Variants in PRKCZ observed in about 807,000 individuals in gnomAD.
PRKCZ encodes protein kinase C zeta, also known as protein kinase C zeta type.
In PRKCZ, 33 loss-of-function variants were observed where a neutral mutation model predicts 79.5. The ratio of observed to expected loss-of-function variants is 0.41; its 90% CI spans 0.31 to 0.55. PRKCZ has a LOEUF of 0.55. Among genes scored for constraint, PRKCZ ranks in the 20% least tolerant of loss-of-function variants. The pLI, the probability that PRKCZ is intolerant of heterozygous loss-of-function variation, is 0.19. For missense variants in PRKCZ, 578 were observed against 813.5 expected (o/e 0.71, Z 3.52); for synonymous variants, 342 against 320.9 (o/e 1.07, Z -0.70).
intron 4 of PRKCZ, among the ~76,000 whole-genome samples, chr1:2,099,345 A>G (rs1557555078): frequency 1.3e-5 from 2 of 152,202 alleles, no homozygotes; most frequent in African/African-American, 4.8e-5. Context: ...CATTCATCCC[A>G]TGCCAGGCTG....
rs573136695 is a variant in PRKCZ, at chr1:2,125,840, G to A, written c.335-9422G>A. ...AGCCACGGCCTCCTCACGTCCATGC[G>A]GGGATTTGCGCCCTGGAAGGAGCCG... is the stretch of plus-strand genomic sequence containing the variant. On this transcript the variant is annotated intron_variant, in intron 4 of 17. Coordinates refer to ENST00000378567, the MANE Select transcript of PRKCZ (RefSeq NM_002744.6). The surrounding 1 kb of genome is among the most constrained non-coding windows in gnomAD (Gnocchi z 4.2). Among the ~76,000 whole-genome samples the A allele has an allele frequency of 3.9e-5, 6 of 152,344 alleles. No homozygotes were observed. The South Asian group carries it at 1.0e-3, about 26-fold the overall frequency.
intron 4 of PRKCZ, among the ~76,000 whole-genome samples, chr1:2,093,900 C>T (rs1009001777): frequency 5.3e-5 from 8 of 152,154 alleles, no homozygotes; most frequent in Non-Finnish European, 1.0e-4. Flanking sequence ...CGGCCGTCAG[C>T]GTTGCAGCCC....
rs926314261 is a variant in PRKCZ at position 2,156,304 on chromosome 1, C to T, written c.974+212C>T. ...ATCTGAAGTTATTTAATTCCATTTACGAAATACTTACTGGAGGTATCCCAC... is the reference window on the plus strand; with the variant it reads ...ATCTGAAGTTATTTAATTCCATTTATGAAATACTTACTGGAGGTATCCCAC... On this transcript the variant is annotated intron_variant, in intron 10 of 17. Coordinates refer to ENST00000378567, the MANE Select transcript of PRKCZ (RefSeq NM_002744.6). 61 of 476,164 alleles carry T rather than the reference C, an allele frequency of 1.3e-4. 2 individuals carry two copies. In the Admixed American group the frequency reaches 1.4e-3, roughly 11 times the overall value. The allele number at this position is 476,164 out of a possible 1,614,324, so 29.5% of individuals were successfully genotyped here.
At chr1:2,109,494 A>G (rs538616283) in intron 4 of PRKCZ, among the ~76,000 whole-genome samples, 1 of 152,204 alleles carries the variant, frequency 6.6e-6, no homozygotes, top group African/African-American at 2.4e-5. Context: ...AATATTAAAC[A>G]TGTGGATTGC....
At position 2,184,568 on chromosome 1, in the gene PRKCZ, T is replaced by C; in HGVS notation, c.1576-15T>C. 2 of 1,609,236 alleles carry C rather than the reference T, an allele frequency of 1.2e-6. No homozygotes were observed. Among genetic ancestry groups the C allele is most frequent in the Non-Finnish European group, 1.7e-6 (2 of 1,176,310 alleles). On this transcript the variant is annotated splice_polypyrimidine_tract_variant and intron_variant, in intron 16 of 17. Coordinates refer to ENST00000378567, the MANE Select transcript of PRKCZ (RefSeq NM_002744.6). ...GCCCGCGCGGAGCTGACCCTTCTCC[T>C]ATTGTTTTTCCAAGCTGGAGAAGAA...
At chr1:2,105,434 C>G (rs866412439) in intron 4 of PRKCZ, among the ~76,000 whole-genome samples, 1 of 152,204 alleles carries the variant, frequency 6.6e-6, no homozygotes. Flanking sequence ...CAGTCTCACT[C>G]TTTTGCCCAG....
chr1:2,118,529 A>G (rs1028070121), intron 4 of PRKCZ, among the ~76,000 whole-genome samples: 2 of 150,256 alleles, frequency 1.3e-5, no homozygotes, highest in African/African-American at 4.9e-5. Context: ...AGTAGAGACG[A>G]GGTTTCACCG....
intron 4 of PRKCZ, among the ~76,000 whole-genome samples, chr1:2,100,432 G>A (rs1667244579): frequency 6.6e-6 from 1 of 152,136 alleles, no homozygotes; most frequent in Non-Finnish European, 1.5e-5. Context: ...TGGAGTCCAG[G>A]TTTTGTTCCC....
intron 4 of PRKCZ, among the ~76,000 whole-genome samples, chr1:2,084,097 A>G (rs528563921): frequency 2.6e-5 from 4 of 152,122 alleles, no homozygotes; most frequent in South Asian, 4.1e-4. Context: ...CCGGGCATGC[A>G]TGGTGGCGGA....
chr1:2,074,099 T>A, intron 4 of PRKCZ: 1 of 1,502,718 alleles, frequency 6.7e-7, no homozygotes, highest in Admixed American at 2.0e-5. Context: ...GCAACACGGC[T>A]GGTGCCACGG....
chr1:2,158,131 G>T (rs1557702619), intron 10 of PRKCZ, among the ~76,000 whole-genome samples: 1 of 152,178 alleles, frequency 6.6e-6, no homozygotes, highest in Non-Finnish European at 1.5e-5. Flanking sequence ...TGCTCTACGT[G>T]CGGTGCCGTC....
rs575206043 is a variant in PRKCZ at position 2,064,321 on chromosome 1, T to A, written c.334+4730T>A. ...ATCTTCTCCTGCTTTGTGGGTTGTT[T>A]TTTTACTTTGTTGATAGTGCCTTTT... On this transcript the variant is annotated intron_variant, in intron 4 of 17. Transcript: ENST00000378567. 1.1e-3 allele frequency among the ~76,000 whole-genome samples: 173 copies of A among 152,382 alleles called. 1 individual carries two copies. The highest frequency in any genetic ancestry group is 3.9e-3 in the African/African-American group (163 of 41,596).
intron 1 of PRKCZ, among the ~76,000 whole-genome samples, chr1:2,051,511 T>TCC (rs1179639847): frequency 6.6e-6 from 1 of 152,124 alleles, no homozygotes; most frequent in East Asian, 1.9e-4. Flanking sequence ...GGACCTCCGC[T>TCC]CCCGCGAGGG....
At chr1:2,073,809 C>T (rs546174296) in intron 4 of PRKCZ, 16 of 1,031,334 alleles carry the variant, frequency 1.6e-5, no homozygotes, top group South Asian at 3.7e-5. Flanking sequence ...TGCCTATTGT[C>T]GGGGCCGGAG....
At chr1:2,068,777 G>T (rs758953611) in intron 4 of PRKCZ, among the ~76,000 whole-genome samples, 1 of 152,186 alleles carries the variant, frequency 6.6e-6, no homozygotes, top group African/African-American at 2.4e-5. Flanking sequence ...CCAGGCCCCC[G>T]CCCCGTGAGA....
intron 16 of PRKCZ, among the ~76,000 whole-genome samples, chr1:2,176,944 A>T (rs1397434956): frequency 6.6e-6 from 1 of 152,192 alleles, no homozygotes; most frequent in African/African-American, 2.4e-5. Flanking sequence ...ACACACTTAG[A>T]AATGTTCTGA....
At chr1:2,124,300 G>T (rs1157071707) in intron 4 of PRKCZ, among the ~76,000 whole-genome samples, 5 of 124,382 alleles carry the variant, frequency 4.0e-5, no homozygotes, top group Non-Finnish European at 9.1e-5. Context: ...GCGTCACGGT[G>T]GTAGTTAGGG....
chr1:2,106,720 G>A (rs7349112), intron 4 of PRKCZ, among the ~76,000 whole-genome samples: 3,138 of 34,910 alleles, frequency 0.09, 320 homozygotes, highest in South Asian at 0.13. Context: ...GGACCTCCAT[G>A]CGTGTCACCA....
intron 9 of PRKCZ, among the ~76,000 whole-genome samples, chr1:2,152,146 T>C (rs1310146794): frequency 6.6e-6 from 1 of 152,218 alleles, no homozygotes; most frequent in Non-Finnish European, 1.5e-5. Context: ...TCACTATGCC[T>C]GGCCTGTTTG....
Sources: allele counts gnomAD v4.1 joint callset (sites outside exome capture counted in the v4.1 genomes callset), GRCh38; gene constraint gnomAD v4.1.1; non-coding constraint Gnocchi (gnomAD v3.1); transcripts MANE v1.5; gene names NCBI Gene and HGNC (gene_info 2026-07-23, HGNC 2026-07-21).